Variants in PAX8 observed in about 807,000 individuals in gnomAD.
The protein encoded by PAX8 is paired box protein Pax-8.
In PAX8, 15 loss-of-function variants were observed where a neutral mutation model predicts 52.4. That is an observed-to-expected ratio of 0.29 (90% CI 0.19 to 0.44). The LOEUF (loss-of-function observed/expected upper bound fraction) is 0.44, where lower values mean the gene tolerates loss of function less well. PAX8 is among the 20% of genes least tolerant of loss of function. The probability of loss-of-function intolerance (pLI) is 1.00; values close to 1 mark genes in which losing one functional copy is unlikely to be tolerated. For missense variants in PAX8, 554 were observed against 602.5 expected (o/e 0.92, Z 0.84); for synonymous variants, 284 against 249.7 (o/e 1.14, Z -1.29).
rs945704722 is a variant in PAX8, at chr2:113,235,875, C to A, written c.899-293G>T. 8 of 417,100 alleles carry A rather than the reference C, an allele frequency of 1.9e-5. No homozygotes were observed. The Admixed American group carries it at 2.1e-4, about 11-fold the overall frequency. The allele number at this position is 417,100 out of a possible 1,614,324, so 25.8% of individuals were successfully genotyped here. The stretch of plus-strand genomic sequence containing the variant: ...CGGAGACCCGGGAGCGGCCTAGGAC[C>A]GGAGGCGCGACCCCTCGGCCCACCT... On this transcript the variant is annotated intron_variant, in intron 8 of 11. Coordinates refer to ENST00000429538, the MANE Select transcript of PAX8 (RefSeq NM_003466.4).
intron 2 of PAX8, among the ~76,000 whole-genome samples, chr2:113,248,118 A>G (rs1222926962): frequency 6.6e-6 from 1 of 152,356 alleles, no homozygotes. Flanking sequence ...TAGATTTTCC[A>G]ACATATTCAA....
intron 10 of PAX8, chr2:113,226,860 G>A (rs1012912769): frequency 9.2e-6 from 12 of 1,309,596 alleles, no homozygotes; most frequent in Admixed American, 3.0e-5. Flanking sequence ...GGAAGAAGTG[G>A]TGGAGCTTGG....
chr2:113,224,829 TAAAATAAAATATAAAATAAAATAAA>T (rs1292586759), intron 10 of PAX8, among the ~76,000 whole-genome samples: 8 of 139,374 alleles, frequency 5.7e-5, no homozygotes, highest in Admixed American at 2.1e-4. Context: ...AAAAATAAAA[TAAAATAAAATATAAAATAAAATAAA>T]ATAAAATAAA....
intron 2 of PAX8, 142 bp downstream of exon 2, chr2:113,278,228 C>G: frequency 1.6e-6 from 1 of 641,932 alleles, no homozygotes; most frequent in Non-Finnish European, 2.7e-6. Flanking sequence ...GAGGGCCAGG[C>G]CCCAGGCGCC....
At chr2:113,274,735 T>G (rs1346370906) in intron 2 of PAX8, 3 of 152,222 alleles carry the variant, frequency 2.0e-5, no homozygotes, top group Admixed American at 1.3e-4. Context: ...TATTAGTAAA[T>G]CTTTCTTACA....
chr2:113,266,120 G>T (rs1693035852), intron 2 of PAX8: 1 of 152,310 alleles, frequency 6.6e-6, no homozygotes, highest in Middle Eastern at 3.4e-3. Flanking sequence ...GAGGAGAGAG[G>T]TTCACCACAG....
rs532775217 is a variant in PAX8 at position 113,242,154 on chromosome 2, G to T, written c.479-24C>A. The T allele has an allele frequency of 8.0e-4, 1,280 of 1,606,886 alleles. 28 individuals are homozygous for T. The South Asian group carries it at 0.013, about 17-fold the overall frequency. Reference sequence around the variant, plus strand: ...GACTGCAGTGGGGGAGAGGGAGAGGGTCAGGGGTGGGAGTGACACCCCTCA... The same window carrying T: ...GACTGCAGTGGGGGAGAGGGAGAGGTTCAGGGGTGGGAGTGACACCCCTCA... On this transcript the variant is annotated intron_variant, in intron 5 of 11. Coordinates refer to ENST00000429538, the MANE Select transcript of PAX8 (RefSeq NM_003466.4).
chr2:113,229,943 G>C (rs765485703), intron 9 of PAX8, among the ~76,000 whole-genome samples: 1 of 152,110 alleles, frequency 6.6e-6, no homozygotes, highest in Non-Finnish European at 1.5e-5. Context: ...TCCTCCATGA[G>C]AGAGAGAGAA....
At chr2:113,278,016 C>G (rs777576816) in intron 2 of PAX8, among the ~76,000 whole-genome samples, 1 of 152,230 alleles carries the variant, frequency 6.6e-6, no homozygotes, top group Non-Finnish European at 1.5e-5. Context: ...GCAAGTCCAG[C>G]ACCGGTGCAG....
rs1690893249 is a variant in PAX8 at position 113,241,989 on chromosome 2, C to T, written c.601+19G>A. 6.8e-6 allele frequency: 11 copies of T among 1,612,962 alleles called. No homozygotes were observed. In the East Asian group the frequency reaches 1.8e-4, roughly 26 times the overall value. On this transcript the variant is annotated intron_variant, in intron 6 of 11. Coordinates refer to ENST00000429538, the MANE Select transcript of PAX8 (RefSeq NM_003466.4). ...CTGCTCTCGTGCACCGCCCGCTGCCCTCCTGTCCCAGCACTCACTGTCATC... is the reference window on the plus strand; with the variant it reads ...CTGCTCTCGTGCACCGCCCGCTGCCTTCCTGTCCCAGCACTCACTGTCATC...
intron 2 of PAX8, among the ~76,000 whole-genome samples, chr2:113,277,287 T>C (rs1242558397): frequency 6.6e-6 from 1 of 152,158 alleles, no homozygotes; most frequent in African/African-American, 2.4e-5. Flanking sequence ...GCTCCCCTCC[T>C]AGTTGGGCCA....
At chr2:113,266,798 T>C (rs1468399195) in intron 2 of PAX8, 1 of 152,250 alleles carries the variant, frequency 6.6e-6, no homozygotes, top group Non-Finnish European at 1.5e-5. Flanking sequence ...CATCTTAAAC[T>C]TGAAGATAAG....
At chr2:113,220,752 A>C (rs1689232478) in intron 10 of PAX8, among the ~76,000 whole-genome samples, 1 of 152,178 alleles carries the variant, frequency 6.6e-6, no homozygotes. Context: ...GTGAGGGTTA[A>C]GGATGGGAGA....
intron 9 of PAX8, among the ~76,000 whole-genome samples, chr2:113,234,003 A>C (rs912593815): frequency 3.3e-5 from 5 of 152,218 alleles, no homozygotes; most frequent in African/African-American, 1.2e-4. Context: ...CAGCATTTCA[A>C]GGTCGTCGGG....
intron 2 of PAX8, among the ~76,000 whole-genome samples, chr2:113,258,997 G>A (rs964250126): frequency 1.3e-5 from 2 of 152,124 alleles, no homozygotes; most frequent in Admixed American, 6.5e-5. Flanking sequence ...GGAGACCTTG[G>A]GAGCACAGGG....
chr2:113,252,209 G>T (rs886162289), intron 2 of PAX8, among the ~76,000 whole-genome samples: 57 of 152,310 alleles, frequency 3.7e-4, no homozygotes, highest in African/African-American at 1.3e-3. Flanking sequence ...CCTTGGCAGG[G>T]CTATAGTGAG....
At chr2:113,230,306 T>C (rs930583875) in intron 9 of PAX8, among the ~76,000 whole-genome samples, 1 of 152,224 alleles carries the variant, frequency 6.6e-6, no homozygotes, top group African/African-American at 2.4e-5. Context: ...TCTCGTTCTA[T>C]TACCTGAACC....
intron 2 of PAX8, among the ~76,000 whole-genome samples, chr2:113,277,527 T>C (rs1250096434): frequency 2.6e-5 from 4 of 152,128 alleles, no homozygotes; most frequent in Non-Finnish European, 5.9e-5. Context: ...ATAAATCGCC[T>C]TCTCTGCGGC....
At position 113,220,071 on chromosome 2, in the gene PAX8, T is replaced by C. The variant is rs754164423; in HGVS notation, c.1276+21A>G. The C allele has an allele frequency of 3.1e-6, 5 of 1,597,364 alleles. 1 individual carries two copies. In the South Asian group the frequency reaches 5.6e-5, roughly 18 times the overall value. On this transcript the variant is annotated intron_variant, in intron 11 of 11. Transcript: ENST00000429538. ...CCATCCATCCTGCCCAGCAGAGGCC[T>C]GGGCAGCCCCAGGGACTTACTCAGC... is the stretch of plus-strand genomic sequence containing the variant.
Sources: gnomAD v4.1 joint callset for allele counts (sites outside exome capture counted in the v4.1 genomes callset) on GRCh38, gnomAD v4.1.1 for gene constraint, MANE v1.5 for transcripts, NCBI Gene and HGNC (gene_info 2026-07-23, HGNC 2026-07-21) for gene names.